The following OTULINL variants were observed in gnomAD, a reference collection of about 807,000 sequenced individuals.
OTULINL encodes the protein OTU deubiquitinase with linear linkage specificity like.
Under a neutral mutation model 43.9 loss-of-function variants are expected in OTULINL, and 42 were observed. The ratio of observed to expected loss-of-function variants is 0.96; its 90% CI spans 0.75 to 1.24. The LOEUF is 1.24. OTULINL is among the 50% of genes most tolerant of loss of function. The pLI, the probability that OTULINL is intolerant of heterozygous loss-of-function variation, is 0.00. For missense variants in OTULINL, 411 were observed against 426.4 expected (o/e 0.96, Z 0.32); for synonymous variants, 172 against 153.6 (o/e 1.12, Z -0.88).
intron 7 of OTULINL, 116 bp downstream of exon 7, chr5:14,609,133 T>G: frequency 1.0e-6 from 1 of 1,002,938 alleles, no homozygotes. Flanking sequence ...ACAGAGGTGG[T>G]TGATTGATAT....
At position 14,601,257 on chromosome 5, in the gene OTULINL, A is replaced by C; in HGVS notation, c.256+13A>C. ...AGAAAATTCAAAAGTAAATATTTTC[A>C]TTCATTTATTTCTTTATTTTTAAGG... is the stretch of plus-strand genomic sequence containing the variant. On this transcript the variant is annotated intron_variant, in intron 3 of 7. Coordinates refer to ENST00000274217, the MANE Select transcript of OTULINL (RefSeq NM_019018.3). The C allele has an allele frequency of 6.2e-7, 1 of 1,610,548 alleles. No individual in the cohort carries two copies. Among genetic ancestry groups the C allele is most frequent in the Non-Finnish European group, 8.5e-7 (1 of 1,177,720 alleles).
rs1331893873 is a variant in OTULINL at position 14,615,860 on chromosome 5, G to A, written c.*5546G>A. Among the ~76,000 whole-genome samples, 1 of 152,174 alleles carries A rather than the reference G, an allele frequency of 6.6e-6. No homozygotes were observed. The highest frequency in any genetic ancestry group is 1.5e-5 in the Non-Finnish European group (1 of 68,034). ...AGTTGCAGTTGAGACCATTCCTCCT[G>A]TATGTCTTTACAAGCAAATTGAAAC... On this transcript the variant is annotated 3_prime_UTR_variant, in exon 8 of 8. Transcript: ENST00000274217.
chr5:14,602,434 G>A (rs1414259297), intron 5 of OTULINL, 102 bp downstream of exon 5: 36 of 1,189,488 alleles, frequency 3.0e-5, no homozygotes, highest in Non-Finnish European at 3.9e-5. Context: ...CCATGAGATT[G>A]AAGAGATTTT....
At chr5:14,583,376 A>G (rs1418118938) in intron 1 of OTULINL, among the ~76,000 whole-genome samples, 3 of 152,180 alleles carry the variant, frequency 2.0e-5, no homozygotes, top group Admixed American at 2.0e-4. Context: ...AATTAGCCAC[A>G]TATTTCCTAT....
At position 14,613,926 on chromosome 5, in the gene OTULINL, T is replaced by TAA. The variant is rs771670253; in HGVS notation, c.*3612_*3613insAA. ...GTCAGATGAGTTTCTCCTATTTTAG[T>TAA]GAGACCAAAGAAAGACAATTTTAAT... On this transcript the variant is annotated 3_prime_UTR_variant, in exon 8 of 8. Coordinates refer to ENST00000274217, the MANE Select transcript of OTULINL (RefSeq NM_019018.3). 6.6e-6 allele frequency among the ~76,000 whole-genome samples: 1 copy of TAA among 152,326 alleles called. No individual in the cohort carries two copies. The highest frequency in any genetic ancestry group is 1.5e-5 in the Non-Finnish European group (1 of 68,026).
chr5:14,588,902 G>T (rs1366445101), intron 1 of OTULINL, among the ~76,000 whole-genome samples: 1 of 152,124 alleles, frequency 6.6e-6, no homozygotes, highest in Non-Finnish European at 1.5e-5. Flanking sequence ...CAGCACCCAG[G>T]GACGATGGAA....
At chr5:14,599,317 C>T (rs1020269619) in intron 1 of OTULINL, among the ~76,000 whole-genome samples, 7 of 152,032 alleles carry the variant, frequency 4.6e-5, no homozygotes, top group Non-Finnish European at 7.4e-5. Flanking sequence ...GGAGAAACCC[C>T]ATCTCTACTA....
intron 1 of OTULINL, among the ~76,000 whole-genome samples, chr5:14,595,670 G>GTT (rs1759275182): frequency 2.0e-5 from 1 of 50,898 alleles, no homozygotes; most frequent in Non-Finnish European, 3.7e-5. Context: ...TTTTTTTTGT[G>GTT]TAGTTCTGAC....
In OTULINL at chr5:14,581,965, C is replaced by T. The variant is rs1382322793; in HGVS notation, c.64+7C>T. Reference sequence around the variant, plus strand: ...TCTGGCGCTCCCGCCGCAGGTGAGCCTGGGGCCGGGCGGGGCGGGGCGGGG... The same window carrying T: ...TCTGGCGCTCCCGCCGCAGGTGAGCTTGGGGCCGGGCGGGGCGGGGCGGGG... On this transcript the variant is annotated splice_region_variant and intron_variant, in intron 1 of 7. Coordinates refer to ENST00000274217, the MANE Select transcript of OTULINL (RefSeq NM_019018.3). 1 of 1,174,530 alleles carries T rather than the reference C, an allele frequency of 8.5e-7. No homozygotes were observed. The highest frequency in any genetic ancestry group is 3.3e-5 in the East Asian group (1 of 29,948). 72.8% of individuals were successfully genotyped at this position (1,174,530 alleles called of 1,614,324 possible).
intron 5 of OTULINL, among the ~76,000 whole-genome samples, chr5:14,603,231 A>G (rs1759418747): frequency 6.6e-6 from 1 of 152,216 alleles, no homozygotes. Flanking sequence ...CACCAGTTGA[A>G]GGACATCTGG....
intron 7 of OTULINL, among the ~76,000 whole-genome samples, chr5:14,609,362 C>G (rs2126786553): frequency 6.6e-6 from 1 of 152,256 alleles, no homozygotes; most frequent in African/African-American, 2.4e-5. Flanking sequence ...GTTTGGTTAC[C>G]TATTGCAGAT....
At chr5:14,595,129 C>T (rs921529064) in intron 1 of OTULINL, among the ~76,000 whole-genome samples, 2 of 152,166 alleles carry the variant, frequency 1.3e-5, no homozygotes, top group African/African-American at 4.8e-5. Context: ...TTATGTCCTC[C>T]CAGCTCAGAG....
At chr5:14,592,872 G>T (rs1759228854) in intron 1 of OTULINL, among the ~76,000 whole-genome samples, 1 of 152,136 alleles carries the variant, frequency 6.6e-6, no homozygotes, top group Admixed American at 6.5e-5. Context: ...GGCTTCTCCA[G>T]CCTCCCCTCA....
At chr5:14,598,790 ATT>A (rs762798920) in intron 1 of OTULINL, among the ~76,000 whole-genome samples, 5 of 152,158 alleles carry the variant, frequency 3.3e-5, no homozygotes, top group Admixed American at 6.5e-5. Context: ...AATAATGTAG[ATT>A]TATGTGTGCT....
chr5:14,589,035 T>G (rs1759154521), intron 1 of OTULINL, among the ~76,000 whole-genome samples: 1 of 152,154 alleles, frequency 6.6e-6, no homozygotes, highest in Non-Finnish European at 1.5e-5. Context: ...GACGGGATCC[T>G]GATTACATGA....
At chr5:14,592,583 A>G (rs993521538) in intron 1 of OTULINL, among the ~76,000 whole-genome samples, 1 of 152,190 alleles carries the variant, frequency 6.6e-6, no homozygotes, top group Non-Finnish European at 1.5e-5. Context: ...ACAGTCATGA[A>G]TACACTGAAC....
Position 14,581,795 on chromosome 5 carries a change from TC to T in OTULINL, c.-99del. ...CCTCCCCCGCCCTCCCCAGCCCGCC[TC>T]AGGGAAGCGAGCCCGGGCGCCGGCG... On this transcript the variant is annotated 5_prime_UTR_variant, in exon 1 of 8. Coordinates refer to ENST00000274217, the MANE Select transcript of OTULINL (RefSeq NM_019018.3). The T allele has an allele frequency of 1.0e-6, 1 of 967,084 alleles. No homozygotes were observed. Among genetic ancestry groups the T allele is most frequent in the South Asian group, 3.2e-5 (1 of 31,544 alleles). 59.9% of individuals were successfully genotyped at this position (967,084 alleles called of 1,614,324 possible). A position where few individuals can be genotyped will look rare whatever the true frequency, so the allele number is the denominator to read the frequency against.
intron 7 of OTULINL, among the ~76,000 whole-genome samples, chr5:14,609,782 C>T (rs190179522): frequency 0.011 from 1,632 of 152,294 alleles, 27 homozygotes; most frequent in African/African-American, 0.037. Flanking sequence ...AGGCGCCCGC[C>T]ACTGCGCCCG....
chr5:14,588,408 T>G (rs1759143938), intron 1 of OTULINL, among the ~76,000 whole-genome samples: 1 of 152,090 alleles, frequency 6.6e-6, no homozygotes, highest in Non-Finnish European at 1.5e-5. Flanking sequence ...TTCACTACCT[T>G]GAAACCATCC....
Sources: allele counts gnomAD v4.1 joint callset (sites outside exome capture counted in the v4.1 genomes callset), GRCh38; gene constraint gnomAD v4.1.1; transcripts MANE v1.5; gene names NCBI Gene and HGNC (gene_info 2026-07-23, HGNC 2026-07-21).